The following BEND5 variants were observed in gnomAD, a reference collection of about 807,000 sequenced individuals.
BEND5 encodes the protein BEN domain containing 5, also known as BEN domain-containing protein 5.
Under a neutral mutation model 43.9 loss-of-function variants are expected in BEND5, and 22 were observed. That is an observed-to-expected ratio of 0.50 (90% CI 0.36 to 0.72). BEND5 has a LOEUF of 0.72. Ranked by LOEUF, BEND5 falls within the 30% of genes least tolerant of loss-of-function variation. The pLI is 0.00. For missense variants in BEND5, 428 were observed against 550.6 expected, an observed-to-expected ratio of 0.78 and a Z score of 2.23; for synonymous variants, 228 against 225.9, an observed-to-expected ratio of 1.01 and a Z score of -0.08.
At chr1:48,761,661 G>C (rs1314586646) in intron 1 of BEND5, among the ~76,000 whole-genome samples, 191 bp from the exon 2 acceptor site, 1 of 152,212 alleles carries the variant, frequency 6.6e-6, no homozygotes, top group African/African-American at 2.4e-5. Context: ...CTAGGAACAA[G>C]GGTGTTTGCT....
intron 3 of BEND5, among the ~76,000 whole-genome samples, chr1:48,756,241 T>C (rs561730975): frequency 6.6e-6 from 1 of 152,346 alleles, no homozygotes; most frequent in East Asian, 1.9e-4. Context: ...CAAAAATTCA[T>C]CATTCAGGCT....
At chr1:48,770,911 T>C (rs1644791580) in intron 1 of BEND5, among the ~76,000 whole-genome samples, 2 of 152,176 alleles carry the variant, frequency 1.3e-5, no homozygotes, top group Non-Finnish European at 2.9e-5. Context: ...CTCATATTTA[T>C]CCACAAGTCC....
intron 4 of BEND5, among the ~76,000 whole-genome samples, chr1:48,739,204 C>G (rs958621466): frequency 1.2e-4 from 18 of 152,256 alleles, no homozygotes; most frequent in African/African-American, 4.1e-4. Context: ...CAGCCACCGA[C>G]TGGCCTTTGC....
chr1:48,741,789 C>T (rs10888619), intron 4 of BEND5, among the ~76,000 whole-genome samples: 150,355 of 152,316 alleles, frequency 0.99, 74,234 homozygotes, highest in South Asian at 1. Flanking sequence ...TTAAGGAGAA[C>T]GAGAGGCGAT....
chr1:48,749,619 T>C (rs1441127496), intron 3 of BEND5, among the ~76,000 whole-genome samples: 1 of 152,122 alleles, frequency 6.6e-6, no homozygotes, highest in Non-Finnish European at 1.5e-5. Flanking sequence ...CCTCAGCTCA[T>C]CTCTGACTTT....
rs193088585 is a variant in BEND5, at chr1:48,771,017, C to A, written c.226+5589G>T. On this transcript the variant is annotated intron_variant, in intron 1 of 5. Coordinates refer to ENST00000371833, the MANE Select transcript of BEND5 (RefSeq NM_024603.4). ...CTCTTTTCTTGGGTAAAACAAAAAT[C>A]TCTATCTCACAAGGATGTAGAATAT... Among the ~76,000 whole-genome samples the A allele has an allele frequency of 9.2e-5, 14 of 152,328 alleles. No individual in the cohort carries two copies. The East Asian group carries it at 2.7e-3, about 29-fold the overall frequency.
At chr1:48,772,969 C>T (rs1481986132) in intron 1 of BEND5, among the ~76,000 whole-genome samples, 1 of 152,092 alleles carries the variant, frequency 6.6e-6, no homozygotes, top group East Asian at 1.9e-4. Context: ...TCTTTTCCAT[C>T]ACTCCCTCCC....
intron 1 of BEND5, among the ~76,000 whole-genome samples, chr1:48,768,090 C>G (rs1174053803): frequency 6.6e-6 from 1 of 152,182 alleles, no homozygotes; most frequent in African/African-American, 2.4e-5. Context: ...AATACAGGCC[C>G]TGTTCCTATC....
At chr1:48,755,374 G>A (rs1652386654) in intron 3 of BEND5, among the ~76,000 whole-genome samples, 1 of 152,126 alleles carries the variant, frequency 6.6e-6, no homozygotes, top group Non-Finnish European at 1.5e-5. Flanking sequence ...CTGACCTGTT[G>A]GCCTCCCTCG....
At chr1:48,761,141 T>G (rs1257992897) in intron 2 of BEND5, 196 bp downstream of exon 2, 18 of 577,908 alleles carry the variant, frequency 3.1e-5, no homozygotes, top group Non-Finnish European at 5.1e-5. Flanking sequence ...ACAGCATGAA[T>G]CAGGGCTCTC....
In BEND5 at chr1:48,768,494, A is replaced by G. The variant is rs191847709; in HGVS notation, c.227-7024T>C. Among the ~76,000 whole-genome samples, 484 of 152,324 alleles carry G rather than the reference A, an allele frequency of 3.2e-3. 2 individuals are homozygous for G. Among genetic ancestry groups the G allele is most frequent in the African/African-American group, 0.01 (429 of 41,578 alleles). ...ATTCCATTAAACTTACTACTGGGGA[A>G]AAAAGGAAGCATGCTGGTAATAGGC... On this transcript the variant is annotated intron_variant, in intron 1 of 5. Transcript: ENST00000371833.
chr1:48,730,862 C>T (rs986074115), intron 5 of BEND5, among the ~76,000 whole-genome samples: 9 of 152,138 alleles, frequency 5.9e-5, no homozygotes, highest in African/African-American at 2.2e-4. Context: ...ATTTAGAAAA[C>T]TCAGACACTC....
At chr1:48,745,814 G>A (rs1650646883) in intron 3 of BEND5, among the ~76,000 whole-genome samples, 1 of 152,102 alleles carries the variant, frequency 6.6e-6, no homozygotes, top group East Asian at 1.9e-4. Context: ...TAGTTGACTT[G>A]TGACCTTCCT....
chr1:48,762,785 C>T (rs1166694191), intron 1 of BEND5, among the ~76,000 whole-genome samples: 7 of 152,038 alleles, frequency 4.6e-5, no homozygotes, highest in African/African-American at 1.2e-4. Context: ...TACTCAAATG[C>T]TGAATCTTCT....
intron 3 of BEND5, among the ~76,000 whole-genome samples, chr1:48,748,828 G>A (rs1279705664): frequency 2.6e-5 from 4 of 152,076 alleles, no homozygotes; most frequent in Non-Finnish European, 5.9e-5. Context: ...TAGTGAGGCC[G>A]GGGTTCTTCA....
chr1:48,736,625 G>C lies in BEND5; in HGVS notation c.895-173C>G, dbSNP rs934074190. Among the ~76,000 whole-genome samples the C allele has an allele frequency of 6.6e-6, 1 of 152,198 alleles. No homozygotes were observed. The highest frequency in any genetic ancestry group is 1.5e-5 in the Non-Finnish European group (1 of 68,032). ...AGCTATCATCTACTGAATACGTGTA[G>C]TGTGCCAGGCCTTATTCTAGGGCTT... On this transcript the variant is annotated intron_variant, in intron 4 of 5. Transcript: ENST00000371833. This position sits in a 1 kb window ranked among gnomAD's most constrained non-coding sequence, Gnocchi z 4.0.
chr1:48,764,233 C>G (rs1021254277), intron 1 of BEND5, among the ~76,000 whole-genome samples: 3 of 152,228 alleles, frequency 2.0e-5, no homozygotes, highest in Non-Finnish European at 4.4e-5. Context: ...GGCATTTGAG[C>G]TAGACTCCTT....
At chr1:48,756,041 T>G (rs905312181) in intron 3 of BEND5, among the ~76,000 whole-genome samples, 1 of 152,192 alleles carries the variant, frequency 6.6e-6, no homozygotes, top group Non-Finnish European at 1.5e-5. Context: ...AGCTCCTCCA[T>G]TACATGATGT....
At chr1:48,742,220 AGTT>A (rs1174084179) in intron 4 of BEND5, among the ~76,000 whole-genome samples, 1 of 152,204 alleles carries the variant, frequency 6.6e-6, no homozygotes, top group Non-Finnish European at 1.5e-5. Context: ...ACACAAACTG[AGTT>A]GTTATCTGTA....
Sources: gnomAD v4.1 joint callset for allele counts (sites outside exome capture counted in the v4.1 genomes callset) on GRCh38, gnomAD v4.1.1 for gene constraint, Gnocchi (gnomAD v3.1) non-coding constraint, MANE v1.5 for transcripts, NCBI Gene and HGNC (gene_info 2026-07-23, HGNC 2026-07-21) for gene names.